The following ATP2C2 variants were observed in gnomAD, a reference collection of about 807,000 sequenced individuals.
ATP2C2 encodes the protein ATPase secretory pathway Ca2+ transporting 2.
A neutral mutation model predicts 110.8 loss-of-function variants in ATP2C2; 171 were observed. The observed-to-expected ratio is 1.54, with a 90% CI of 1.36 to 1.75. The LOEUF is 1.75. Among genes scored for constraint, ATP2C2 ranks in the 40% most tolerant of loss-of-function variants. The pLI, the probability that ATP2C2 is intolerant of heterozygous loss-of-function variation, is 0.00. For missense variants in ATP2C2, 1,963 were observed against 1,235.0 expected (o/e 1.59, Z -8.84); for synonymous variants, 804 against 508.4 (o/e 1.58, Z -7.82).
intron 1 of ATP2C2, among the ~76,000 whole-genome samples, chr16:84,377,565 T>C (rs1306206902): frequency 6.6e-6 from 1 of 152,160 alleles, no homozygotes; most frequent in Non-Finnish European, 1.5e-5. Context: ...CCTCTGTGCA[T>C]GGCTGTGTCC....
intron 6 of ATP2C2, among the ~76,000 whole-genome samples, chr16:84,412,415 T>G (rs1017057265): frequency 5.5e-5 from 2 of 36,184 alleles, no homozygotes; most frequent in Admixed American, 2.4e-4. Context: ...TGCATGTGTC[T>G]GTGTATGTGT....
Position 84,460,774 on chromosome 16 carries a change from C to CG in ATP2C2, c.2457dup (p.Thr820AspfsTer11). ...TCATGTCCGCGGCCATCATCATCAG[C>CG]GGGACCCTCTTTATCTTCTGGAAGG... On this transcript the variant is annotated frameshift_variant, in exon 24 of 27. Coordinates refer to ENST00000262429, the MANE Select transcript of ATP2C2 (RefSeq NM_014861.4). LOFTEE classifies it high-confidence loss of function. 6.2e-7 allele frequency: 1 copy of CG among 1,613,770 alleles called. No homozygotes were observed. Among genetic ancestry groups the CG allele is most frequent in the Non-Finnish European group, 8.5e-7 (1 of 1,179,728 alleles).
At chr16:84,423,812 C>G (rs992457515) in intron 10 of ATP2C2, among the ~76,000 whole-genome samples, 3 of 152,304 alleles carry the variant, frequency 2.0e-5, no homozygotes, top group Admixed American at 2.0e-4. Context: ...TATCTGTGCA[C>G]CCAAACATAT....
At chr16:84,402,097 T>G (rs1255542811) in intron 2 of ATP2C2, among the ~76,000 whole-genome samples, 2 of 151,676 alleles carry the variant, frequency 1.3e-5, no homozygotes, top group Admixed American at 6.6e-5. Context: ...TAAATGGGAT[T>G]ACTTAATTGA....
intron 11 of ATP2C2, among the ~76,000 whole-genome samples, chr16:84,426,946 C>T (rs780044332): frequency 3.3e-5 from 5 of 152,130 alleles, no homozygotes; most frequent in African/African-American, 7.2e-5. Context: ...CATCGTGCAG[C>T]GGTTTGACTT....
intron 20 of ATP2C2, among the ~76,000 whole-genome samples, chr16:84,453,991 C>A (rs1036441752): frequency 1.3e-5 from 2 of 152,106 alleles, no homozygotes; most frequent in African/African-American, 4.8e-5. Flanking sequence ...GCGGTGTGCA[C>A]CAGCACACCC....
chr16:84,392,763 C>G (rs1904736776), intron 1 of ATP2C2, among the ~76,000 whole-genome samples: 1 of 152,134 alleles, frequency 6.6e-6, no homozygotes, highest in Non-Finnish European at 1.5e-5. Flanking sequence ...GCGCCCGGCC[C>G]ATTCTTGTGT....
At chr16:84,447,283 G>T (rs1485956148) in intron 16 of ATP2C2, among the ~76,000 whole-genome samples, 1 of 152,058 alleles carries the variant, frequency 6.6e-6, no homozygotes, top group East Asian at 1.9e-4. Context: ...CATTTCAGGG[G>T]CTTAGAAGGG....
intron 10 of ATP2C2, among the ~76,000 whole-genome samples, 193 bp downstream of exon 10, chr16:84,423,456 C>A (rs952634883): frequency 2.6e-5 from 4 of 152,224 alleles, no homozygotes; most frequent in Non-Finnish European, 4.4e-5. Flanking sequence ...TAACAAGCAG[C>A]CACTACATTT....
intron 1 of ATP2C2, among the ~76,000 whole-genome samples, chr16:84,395,189 G>C (rs992551335): frequency 6.6e-6 from 1 of 152,040 alleles, no homozygotes; most frequent in Non-Finnish European, 1.5e-5. Flanking sequence ...GAAGTCGGAG[G>C]CTGGGTCCTC....
In ATP2C2 at chr16:84,427,788, G is replaced by A. The variant is rs528828943; in HGVS notation, c.986+1987G>A. On this transcript the variant is annotated intron_variant, in intron 11 of 26. Coordinates refer to ENST00000262429, the MANE Select transcript of ATP2C2 (RefSeq NM_014861.4). ...GTAGGTTAGTGTTTGCCAGGGCCTG[G>A]GGTTGGGGAGTGTGTAGTGACTCCT... is the stretch of plus-strand genomic sequence containing the variant. Among the ~76,000 whole-genome samples the A allele has an allele frequency of 2.6e-5, 4 of 152,194 alleles. No individual in the cohort carries two copies. The South Asian group carries it at 6.2e-4, about 24-fold the overall frequency.
At chr16:84,406,642 G>T (rs1165569058) in intron 3 of ATP2C2, 2 of 985,522 alleles carry the variant, frequency 2.0e-6, no homozygotes, top group South Asian at 9.4e-5. Context: ...AGCAAAATAG[G>T]CTTCTGGGTA....
intron 10 of ATP2C2, among the ~76,000 whole-genome samples, chr16:84,425,118 A>G (rs919446157): frequency 2.0e-5 from 3 of 152,246 alleles, no homozygotes; most frequent in Admixed American, 6.5e-5. Flanking sequence ...CATCCATCAG[A>G]AAACATCCCT....
At chr16:84,404,969 C>T (rs912745960) in intron 2 of ATP2C2, 159 bp from the exon 3 acceptor site, 1 of 735,328 alleles carries the variant, frequency 1.4e-6, no homozygotes, top group African/African-American at 1.7e-5. Flanking sequence ...TCTGCCCCAT[C>T]TGCACGGGGT....
chr16:84,448,659 G>C lies in ATP2C2; in HGVS notation c.1630G>C (p.Glu544Gln). 1.9e-6 allele frequency: 3 copies of C among 1,613,934 alleles called. No individual in the cohort carries two copies. The highest frequency in any genetic ancestry group is 2.5e-6 in the Non-Finnish European group (3 of 1,179,918). ...PQQRSFCLQE[E>Q]KRMGSLGLRV... is the part of the protein sequence containing the mutation. ...GCAGAGGTCATTCTGCCTGCAGGAAGAGAAGAGGATGGGGTCGCTCGGTTT... is the reference window on the plus strand; with the variant it reads ...GCAGAGGTCATTCTGCCTGCAGGAACAGAAGAGGATGGGGTCGCTCGGTTT... The change falls in exon 17 of 27, where the codon GAG becomes CAG. Residue 544 changes from glutamate to glutamine, a missense_variant. Transcript: ENST00000262429.
At chr16:84,372,433 C>A (rs1320253479) in intron 1 of ATP2C2, among the ~76,000 whole-genome samples, 3 of 152,076 alleles carry the variant, frequency 2.0e-5, no homozygotes, top group Non-Finnish European at 4.4e-5. Flanking sequence ...TACTGCAACC[C>A]CACAGTGTTT....
intron 4 of ATP2C2, 136 bp from the exon 5 acceptor site, chr16:84,410,432 T>G (rs865837399): frequency 1.1e-5 from 11 of 1,034,272 alleles, no homozygotes; most frequent in Middle Eastern, 3.1e-4. Flanking sequence ...GTATATTTTC[T>G]AAATTTCTGT....
intron 1 of ATP2C2, among the ~76,000 whole-genome samples, chr16:84,379,557 C>G (rs1359536279): frequency 6.6e-6 from 1 of 152,202 alleles, no homozygotes; most frequent in Non-Finnish European, 1.5e-5. Flanking sequence ...TGCAGAATCT[C>G]AGGTTCCACC....
At position 84,458,514 on chromosome 16, in the gene ATP2C2, A is replaced by AT. The variant is rs957257162; in HGVS notation, c.2148-605dup. Among the ~76,000 whole-genome samples the AT allele has an allele frequency of 7.0e-3, 30 of 4,266 alleles. No individual in the cohort carries two copies. In the East Asian group the frequency reaches 0.18, roughly 26 times the overall value. 2.8% of individuals were successfully genotyped at this position (4,266 alleles called of 152,430 possible). ...GTATAATAAAAAAAAAAAAATTTAAATAAAAAAAAAGTCATAATATCAGCT... is the reference window on the plus strand; with the variant it reads ...GTATAATAAAAAAAAAAAAATTTAAATTAAAAAAAAAGTCATAATATCAGCT... On this transcript the variant is annotated intron_variant, in intron 21 of 26. Transcript: ENST00000262429.
Sources: gnomAD v4.1 joint callset for allele counts (sites outside exome capture counted in the v4.1 genomes callset) on GRCh38, gnomAD v4.1.1 for gene constraint, MANE v1.5 for transcripts, NCBI Gene and HGNC (gene_info 2026-07-23, HGNC 2026-07-21) for gene names.